PHYKPL: variants seen among roughly 807,000 people sequenced by gnomAD.
PHYKPL encodes the protein 5-phosphohydroxy-L-lysine phospho-lyase, also known as 5-phosphonooxy-L-lysine phospho-lyase.
In PHYKPL, 42 loss-of-function variants were observed where a neutral mutation model predicts 51.3. The observed-to-expected ratio is 0.82, with a 90% CI of 0.64 to 1.06. The LOEUF (loss-of-function observed/expected upper bound fraction) is 1.06, where lower values mean the gene tolerates loss of function less well. PHYKPL is among the 50% of genes least tolerant of loss of function. The probability of loss-of-function intolerance (pLI) is 0.00; values close to 1 mark genes in which losing one functional copy is unlikely to be tolerated. For missense variants in PHYKPL, 655 were observed against 586.6 expected (o/e 1.12, Z -1.20); for synonymous variants, 264 against 236.0 (o/e 1.12, Z -1.09).
intron 3 of PHYKPL, chr5:178,225,653 A>G (rs1762139688): frequency 1.8e-6 from 1 of 556,898 alleles, no homozygotes; most frequent in East Asian, 2.9e-5. Flanking sequence ...TCTGGAATTT[A>G]CATTCTCGTA....
At chr5:178,214,758 C>T (rs749258204) in intron 10 of PHYKPL, 38 bp downstream of exon 10, 2 of 1,594,378 alleles carry the variant, frequency 1.3e-6, no homozygotes, top group East Asian at 2.2e-5. Flanking sequence ...TGTGGTGTCT[C>T]CTACTCCAGG....
chr5:178,232,517 G>C lies in PHYKPL; in HGVS notation c.34C>G (p.Leu12Val). 1.5e-6 allele frequency: 2 copies of C among 1,323,990 alleles called. No individual in the cohort carries two copies. The highest frequency in any genetic ancestry group is 1.9e-6 in the Non-Finnish European group (2 of 1,044,230). 82.0% of individuals were successfully genotyped at this position (1,323,990 alleles called of 1,614,324 possible). A position where few individuals can be genotyped will look rare whatever the true frequency, so the allele number is the denominator to read the frequency against. Residue 12 changes from leucine to valine, a missense_variant, in exon 1 of 13, where the codon CTG becomes GTG. By Grantham distance (32) the Leu-to-Val change is conservative (BLOSUM62 1). Transcript: ENST00000308158. ...AADQRPKADT[L>V]ALRQRLISSS... The stretch of plus-strand genomic sequence containing the variant: ...CTGATGAGCCGTTGCCTCAGGGCCA[G>C]CGTGTCGGCCTTCGGGCGCTGGTCT...
intron 6 of PHYKPL, chr5:178,223,847 C>CGA: frequency 4.5e-6 from 1 of 223,836 alleles, no homozygotes. Flanking sequence ...CACCATACTG[C>CGA]CCCCGTCAGG....
Position 178,225,417 on chromosome 5 carries a change from A to G in PHYKPL, c.351T>C (p.Asn117=). ...FYFLNSGSEA[N]DLALRLARHY... ...GGCGAGCCAGCCTCAGGGCCAGGTC[A>G]TTGGCTTCTGACCTATGACCGAAAA... Residue 117 remains asparagine, a synonymous_variant, in exon 4 of 13, where the codon AAT becomes AAC. Transcript: ENST00000308158. 6.2e-7 allele frequency: 1 copy of G among 1,614,228 alleles called. No individual in the cohort carries two copies. The highest frequency in any genetic ancestry group is 1.1e-5 in the South Asian group (1 of 91,086).
At chr5:178,230,298 C>T (rs1470661024) in intron 2 of PHYKPL, 199 bp from the exon 3 acceptor site, 3 of 603,140 alleles carry the variant, frequency 5.0e-6, no homozygotes, top group Non-Finnish European at 8.5e-6. Flanking sequence ...GAGATTCTGG[C>T]AGAAGGAAAG....
rs753133568 is a variant in PHYKPL at position 178,213,152 on chromosome 5, C to T, written c.1173-49G>A. 3 of 1,603,872 alleles carry T rather than the reference C, an allele frequency of 1.9e-6. No homozygotes were observed. The South Asian group carries it at 3.3e-5, about 18-fold the overall frequency. On this transcript the variant is annotated intron_variant, in intron 10 of 12. Transcript: ENST00000308158. ...ACATGGCCTTCAAGGCCTTCCTCAG[C>T]CTGGCCTTGGCCTCATGTCCAGTGC... is the stretch of plus-strand genomic sequence containing the variant.
At chr5:178,212,014 T>G in intron 11 of PHYKPL, 44 bp from the exon 12 acceptor site, 1 of 1,606,650 alleles carries the variant, frequency 6.2e-7, no homozygotes, top group Non-Finnish European at 8.5e-7. Flanking sequence ...CACCTTTCTC[T>G]GCTGAAGATG....
At chr5:178,223,791 AG>A (rs1363613126) in intron 6 of PHYKPL, 2 of 295,800 alleles carry the variant, frequency 6.8e-6, no homozygotes, top group African/African-American at 4.5e-5. Context: ...TTGTCACCGT[AG>A]GTAACACACC....
rs1481031756 is a variant in PHYKPL, at chr5:178,219,846, C to T, written c.927+2509G>A. Among the ~76,000 whole-genome samples, 3 of 152,030 alleles carry T rather than the reference C, an allele frequency of 2.0e-5. No homozygotes were observed. The East Asian group carries it at 5.8e-4, about 29-fold the overall frequency. The stretch of plus-strand genomic sequence containing the variant: ...AAATCAGGGAATGGCATATCAAGAC[C>T]ATACAAGCTACTGTTTTACGCTCCA... On this transcript the variant is annotated intron_variant, in intron 8 of 12. Transcript: ENST00000308158.
In PHYKPL at chr5:178,232,039, T is replaced by G. The variant is rs1168321164; in HGVS notation, c.59+453A>C. The stretch of plus-strand genomic sequence containing the variant: ...GGGCCCCCTCACAGGTCAAGTGTGC[T>G]GCCTGTGAACCGACTCCCCCGACTC... On this transcript the variant is annotated intron_variant, in intron 1 of 12. Transcript: ENST00000308158. The G allele has an allele frequency of 2.5e-6, 3 of 1,194,696 alleles. No homozygotes were observed. In the East Asian group the frequency reaches 1.7e-4, roughly 68 times the overall value. 74.0% of individuals were successfully genotyped at this position (1,194,696 alleles called of 1,614,324 possible).
chr5:178,230,211 G>T, intron 2 of PHYKPL, 112 bp from the exon 3 acceptor site: 1 of 1,321,692 alleles, frequency 7.6e-7, no homozygotes, highest in Non-Finnish European at 1.1e-6. Context: ...TCTAGAGGGA[G>T]AGGTAGAAAG....
intron 8 of PHYKPL, among the ~76,000 whole-genome samples, chr5:178,219,811 A>G (rs1444004606): frequency 6.6e-6 from 1 of 152,162 alleles, no homozygotes; most frequent in Non-Finnish European, 1.5e-5. Context: ...GAGATACTTC[A>G]CGTAATCTGA....
At chr5:178,222,308 G>C in intron 8 of PHYKPL, 47 bp downstream of exon 8, 1 of 1,516,956 alleles carries the variant, frequency 6.6e-7, no homozygotes, top group Non-Finnish European at 9.0e-7. Context: ...ATCACCGGGG[G>C]CCTATCAGAA....
chr5:178,232,135 C>T, intron 1 of PHYKPL: 2 of 1,192,868 alleles, frequency 1.7e-6, no homozygotes, highest in Non-Finnish European at 2.1e-6. Context: ...TGACGGGCCA[C>T]CCTGGGTGAG....
At chr5:178,207,569 C>T (rs1309557566), downstream of PHYKPL, among the ~76,000 whole-genome samples, 6 of 152,026 alleles carry the variant, frequency 3.9e-5, no homozygotes, top group Non-Finnish European at 7.3e-5. Flanking sequence ...TTTAAGGTCT[C>T]AGAAGATCCT....
At chr5:178,227,712 A>T (rs1762568189) in intron 3 of PHYKPL, among the ~76,000 whole-genome samples, 1 of 152,186 alleles carries the variant, frequency 6.6e-6, no homozygotes, top group South Asian at 2.1e-4. Context: ...TTAATGAGAA[A>T]AGGGACATAA....
chr5:178,231,794 G>A, intron 1 of PHYKPL: 2 of 1,416,034 alleles, frequency 1.4e-6, no homozygotes, highest in Non-Finnish European at 1.9e-6. Context: ...TTCTGCATGT[G>A]TCCGCGTCAG....
At chr5:178,215,201 T>C in intron 9 of PHYKPL, 75 bp downstream of exon 9, 4 of 1,596,496 alleles carry the variant, frequency 2.5e-6, no homozygotes, top group South Asian at 2.2e-5. Flanking sequence ...CATCCCAGGT[T>C]GTTAGGAGGT....
intron 10 of PHYKPL, among the ~76,000 whole-genome samples, chr5:178,214,327 C>T (rs1417100589): frequency 6.6e-6 from 1 of 152,118 alleles, no homozygotes; most frequent in Non-Finnish European, 1.5e-5. Context: ...AGTTCTGAGA[C>T]ACCCCCGACC....
Sources: gnomAD v4.1 joint callset for allele counts (sites outside exome capture counted in the v4.1 genomes callset) on GRCh38, gnomAD v4.1.1 for gene constraint, MANE v1.5 for transcripts, NCBI Gene and HGNC (gene_info 2026-07-23, HGNC 2026-07-21) for gene names.